The following POLR1A variants were observed in gnomAD, a reference collection of about 807,000 sequenced individuals.
POLR1A encodes the protein RNA polymerase I subunit A, also known as DNA-directed RNA polymerase I subunit RPA1.
In POLR1A, 84 loss-of-function variants were observed where a neutral mutation model predicts 205.3. The ratio of observed to expected loss-of-function variants is 0.41; its 90% CI spans 0.34 to 0.49. The LOEUF is 0.49. Ranked by LOEUF, POLR1A falls within the 20% of genes least tolerant of loss-of-function variation. The probability of loss-of-function intolerance (pLI) is 0.22; values close to 1 mark genes in which losing one functional copy is unlikely to be tolerated. For missense variants in POLR1A, 1,645 were observed against 2,204.5 expected, an observed-to-expected ratio of 0.75 and a Z score of 5.08; for synonymous variants, 799 against 863.7, an observed-to-expected ratio of 0.93 and a Z score of 1.31.
At position 86,039,480 on chromosome 2, in the gene POLR1A, C is replaced by A. The variant is rs372948671; in HGVS notation, c.3741-18G>T. Reference sequence around the variant, plus strand: ...CCCGCAACCTGTCACAGAATAAGGGCACATCCAATCATGAGTGGCAACCAG... The same window carrying A: ...CCCGCAACCTGTCACAGAATAAGGGAACATCCAATCATGAGTGGCAACCAG... On this transcript the variant is annotated intron_variant, in intron 25 of 33. Coordinates refer to ENST00000263857, the MANE Select transcript of POLR1A (RefSeq NM_015425.6). The A allele has an allele frequency of 1.9e-6, 3 of 1,613,998 alleles. No homozygotes were observed. The highest frequency in any genetic ancestry group is 2.5e-6 in the Non-Finnish European group (3 of 1,179,936).
At chr2:86,036,325 T>C (rs1672495392) in intron 27 of POLR1A, among the ~76,000 whole-genome samples, 1 of 152,154 alleles carries the variant, frequency 6.6e-6, no homozygotes, top group Non-Finnish European at 1.5e-5. Context: ...CCAGACAATT[T>C]ACACAAACAG....
chr2:86,050,515 A>T (rs1672783919), intron 16 of POLR1A, among the ~76,000 whole-genome samples: 1 of 152,070 alleles, frequency 6.6e-6, no homozygotes, highest in African/African-American at 2.4e-5. Flanking sequence ...AGTGAAGTCA[A>T]TCTCTCGCCT....
chr2:86,043,240 A>C, intron 22 of POLR1A, 45 bp from the exon 23 acceptor site: 1 of 1,485,568 alleles, frequency 6.7e-7, no homozygotes, highest in Non-Finnish European at 9.4e-7. Flanking sequence ...CACACACATG[A>C]GATCAAAGAG....
rs368463189 is a variant in POLR1A, at chr2:86,052,900, C to G, written c.2309G>C (p.Gly770Ala). ...GLVHCCYEIYGGETSGKVLTC... is the reference protein window; with the variant it reads ...GLVHCCYEIYAGETSGKVLTC... ...TAGAACCTTGCCGCTGGTCTCGCCT[C>G]CATAGATCTCATAGCAGCAGTGGAC... The change falls in exon 16 of 34, where the codon GGA becomes GCA. Residue 770 changes from glycine to alanine, a missense_variant. By Grantham distance (60) the Gly-to-Ala change is moderately conservative. Coordinates refer to ENST00000263857, the MANE Select transcript of POLR1A (RefSeq NM_015425.6). 15 of 1,608,694 alleles carry G rather than the reference C, an allele frequency of 9.3e-6. No homozygotes were observed. The African/African-American group carries it at 2.0e-4, about 22-fold the overall frequency.
chr2:86,038,987 C>G, intron 26 of POLR1A, 130 bp from the exon 27 acceptor site: 1 of 819,056 alleles, frequency 1.2e-6, no homozygotes, highest in Non-Finnish European at 2.0e-6. Context: ...CCAAAGAAAC[C>G]CTGGTGAGCT....
In POLR1A at chr2:86,046,585, C is replaced by T. The variant is rs1329774220; in HGVS notation, c.2733+580G>A. 3.3e-5 allele frequency among the ~76,000 whole-genome samples: 5 copies of T among 152,072 alleles called. No homozygotes were observed. The East Asian group carries it at 9.6e-4, about 29-fold the overall frequency. ...GATCGGCCAGGTGCGGTGGCTCATG[C>T]CTGTAATCCCAGCACTTTGGGAGGT... On this transcript the variant is annotated intron_variant, in intron 19 of 33. Transcript: ENST00000263857.
At chr2:86,052,134 G>A (rs1346745535) in intron 16 of POLR1A, among the ~76,000 whole-genome samples, 4 of 152,108 alleles carry the variant, frequency 2.6e-5, no homozygotes, top group African/African-American at 7.2e-5. Flanking sequence ...TAGTAGAGAC[G>A]GGGTTTCTCC....
At position 86,081,660 on chromosome 2, in the gene POLR1A, C is replaced by T. The variant is rs968385216; in HGVS notation, c.864G>A (p.Met288Ile). ...YLFSGMDDDG[M>I]ESRFNPSVFF... The stretch of plus-strand genomic sequence containing the variant: ...ACACACTGGGATTGAATCTGGATTC[C>T]ATACCATCATCATCCATTCCCGAAA... Residue 288 changes from methionine (M) to isoleucine (I), a missense_variant, in exon 8 of 34, where the codon ATG becomes ATA. By Grantham distance (10) the Met-to-Ile change is conservative. This residue lies in a region of POLR1A where 330 missense variants were observed against 375.6 expected (regional missense o/e 0.88). Coordinates refer to ENST00000263857, the MANE Select transcript of POLR1A (RefSeq NM_015425.6). The T allele has an allele frequency of 1.2e-6, 2 of 1,612,610 alleles. No homozygotes were observed. Among genetic ancestry groups the T allele is most frequent in the Non-Finnish European group, 1.7e-6 (2 of 1,179,544 alleles).
intron 18 of POLR1A, 77 bp downstream of exon 18, chr2:86,048,807 G>A (rs1412822116): frequency 2.2e-6 from 3 of 1,351,234 alleles, no homozygotes; most frequent in Non-Finnish European, 3.1e-6. Context: ...TAGGGCCCAG[G>A]TGAGAATCAA....
At chr2:86,093,368 A>C (rs772068804) in intron 3 of POLR1A, among the ~76,000 whole-genome samples, 55 of 152,244 alleles carry the variant, frequency 3.6e-4, no homozygotes, top group Non-Finnish European at 6.6e-4. Context: ...TACACTGCTG[A>C]TCTGATATAC....
intron 3 of POLR1A, among the ~76,000 whole-genome samples, chr2:86,093,723 G>T (rs1052635723): frequency 7.2e-5 from 11 of 152,272 alleles, no homozygotes; most frequent in African/African-American, 2.6e-4. Context: ...CCAGCTACTC[G>T]TGAGGCTGAG....
At chr2:86,049,278 C>T in intron 16 of POLR1A, 36 bp from the exon 17 acceptor site, 7 of 1,506,432 alleles carry the variant, frequency 4.6e-6, no homozygotes, top group Non-Finnish European at 6.5e-6. Flanking sequence ...TAGGCGACCT[C>T]AGGCCTGATT....
Position 86,063,335 on chromosome 2 carries a change from CAAAAAAAA to C in POLR1A, c.2058+1931_2058+1938del, listed in dbSNP as rs34298205. ...GGGCAGCAAGAGCAAAACTCCATCT[CAAAAAAAA>C]AAAAAAAAAAAAAAAAAAAGAAAGA... On this transcript the variant is annotated intron_variant, in intron 14 of 33. Transcript: ENST00000263857. Among the ~76,000 whole-genome samples, 8 of 41,242 alleles carry C rather than the reference CAAAAAAAA, an allele frequency of 1.9e-4. No homozygotes were observed. The South Asian group carries it at 5.1e-3, about 26-fold the overall frequency. The allele number at this position is 41,242 out of a possible 152,430, so 27.1% of individuals were successfully genotyped here.
Position 86,038,699 on chromosome 2 carries a change from C to A in POLR1A, c.4034+1G>T, listed in dbSNP as rs1672543159. On this transcript the variant is annotated splice_donor_variant, in intron 27 of 33. Transcript: ENST00000263857. LOFTEE classifies it high-confidence loss of function. ...ATGACAATCACAGCCTGAGCCCTGA[C>A]CTTGTTTCCATGAAGCGCAGGATGT... 1 of 1,613,258 alleles carries A rather than the reference C, an allele frequency of 6.2e-7. No homozygotes were observed. Among genetic ancestry groups the A allele is most frequent in the Non-Finnish European group, 8.5e-7 (1 of 1,179,946 alleles).
chr2:86,033,936 A>G (rs1465606062), intron 27 of POLR1A, 149 bp from the exon 28 acceptor site: 1 of 964,408 alleles, frequency 1.0e-6, no homozygotes, highest in South Asian at 1.7e-5. Context: ...ACTTGTCCCT[A>G]CCCGCTGTTT....
chr2:86,049,571 T>C (rs373097217), intron 16 of POLR1A, among the ~76,000 whole-genome samples: 170 of 152,214 alleles, frequency 1.1e-3, no homozygotes, highest in Non-Finnish European at 2.0e-3. Flanking sequence ...CTCCACTCCA[T>C]AGACATGTGT....
chr2:86,063,918 C>G (rs1351638924), intron 14 of POLR1A, among the ~76,000 whole-genome samples: 1 of 152,344 alleles, frequency 6.6e-6, no homozygotes, highest in East Asian at 1.9e-4. Flanking sequence ...CTTCAGAATG[C>G]TTTCTAATTT....
rs576569014 is a variant in POLR1A at position 86,074,332 on chromosome 2, A to G, written c.1611+698T>C. Among the ~76,000 whole-genome samples, 4 of 152,238 alleles carry G rather than the reference A, an allele frequency of 2.6e-5. 1 individual carries two copies. Among genetic ancestry groups the G allele is most frequent in the Admixed American group, 2.6e-4 (4 of 15,302 alleles). ...GTGAGGAAAATCCAGGCAGTCACCT[A>G]TTGACTCCGGTAGTCACTTGTGGGT... On this transcript the variant is annotated intron_variant, in intron 12 of 33. Coordinates refer to ENST00000263857, the MANE Select transcript of POLR1A (RefSeq NM_015425.6).
chr2:86,079,265 G>A (rs1673352009), intron 9 of POLR1A, among the ~76,000 whole-genome samples: 1 of 152,204 alleles, frequency 6.6e-6, no homozygotes, highest in South Asian at 2.1e-4. Context: ...CCCAGAGGGA[G>A]ATACGATCAC....
Sources: allele counts gnomAD v4.1 joint callset (sites outside exome capture counted in the v4.1 genomes callset), GRCh38; gene constraint gnomAD v4.1.1; regional missense constraint gnomAD v4.1.1; transcripts MANE v1.5; gene names NCBI Gene and HGNC (gene_info 2026-07-23, HGNC 2026-07-21).